Variants in ADAMTSL1 observed in about 807,000 individuals in gnomAD.
ADAMTSL1 encodes ADAMTS-like protein 1.
In ADAMTSL1, 126 loss-of-function variants were observed where a neutral mutation model predicts 201.8. The ratio of observed to expected loss-of-function variants is 0.62; its 90% CI spans 0.54 to 0.72. The LOEUF (loss-of-function observed/expected upper bound fraction) is 0.72, where lower values mean the gene tolerates loss of function less well. Ranked by LOEUF, ADAMTSL1 falls within the 30% of genes least tolerant of loss-of-function variation. The pLI is 0.00. For synonymous variants in ADAMTSL1, 1,121 were observed against 903.4 expected (o/e 1.24, Z -4.32); for missense variants, 2,679 against 2,277.8 (o/e 1.18, Z -3.59).
intron 1 of ADAMTSL1, among the ~76,000 whole-genome samples, chr9:18,140,703 G>T (rs1826362252): frequency 6.6e-6 from 1 of 152,200 alleles, no homozygotes; most frequent in Non-Finnish European, 1.5e-5. Context: ...GTGGGAGCAT[G>T]CCTGAAATCC....
intron 2 of ADAMTSL1, among the ~76,000 whole-genome samples, chr9:18,269,999 A>G (rs1291281923): frequency 6.6e-6 from 1 of 152,136 alleles, no homozygotes; most frequent in East Asian, 1.9e-4. Context: ...TGCCGTCTCT[A>G]CAAGACTCCT....
intron 1 of ADAMTSL1, among the ~76,000 whole-genome samples, chr9:17,985,149 C>T (rs1588524276): frequency 6.6e-6 from 1 of 152,074 alleles, no homozygotes; most frequent in Non-Finnish European, 1.5e-5. Context: ...TCAGCTTTTG[C>T]TTGAGACTTC....
intron 21 of ADAMTSL1, among the ~76,000 whole-genome samples, chr9:18,819,154 G>A (rs4977449): frequency 0.18 from 27,552 of 152,072 alleles, 2,723 homozygotes; most frequent in East Asian, 0.27. Context: ...GAACTGGTAG[G>A]AGTAAAAGAA....
intron 2 of ADAMTSL1, among the ~76,000 whole-genome samples, chr9:18,274,667 G>C (rs542422101): frequency 6.6e-6 from 1 of 152,174 alleles, no homozygotes; most frequent in East Asian, 1.9e-4. Flanking sequence ...ACAGAGTTTG[G>C]AAAAGGCATG....
At chr9:17,913,016 G>C (rs187764354) in intron 1 of ADAMTSL1, among the ~76,000 whole-genome samples, 1 of 152,126 alleles carries the variant, frequency 6.6e-6, no homozygotes, top group South Asian at 2.1e-4. Flanking sequence ...CGTTATTTCT[G>C]AGGGCTCTGT....
intron 13 of ADAMTSL1, among the ~76,000 whole-genome samples, chr9:18,697,326 T>C (rs1254966947): frequency 3.3e-5 from 5 of 152,144 alleles, no homozygotes; most frequent in Admixed American, 3.3e-4. Flanking sequence ...ATACATATAT[T>C]ATTATGGACA....
In ADAMTSL1 at chr9:18,817,298, C is replaced by G; in HGVS notation, c.3934+61C>G. On this transcript the variant is annotated intron_variant, in intron 21 of 28. Coordinates refer to ENST00000380548, the MANE Select transcript of ADAMTSL1 (RefSeq NM_001040272.6). ...GGAGCCCTGTGCTAGGTTGGGGATACAAAGACAAATTAGACACAAATTCTA... is the reference window on the plus strand; with the variant it reads ...GGAGCCCTGTGCTAGGTTGGGGATAGAAAGACAAATTAGACACAAATTCTA... The G allele has an allele frequency of 3.3e-6, 5 of 1,494,926 alleles. No homozygotes were observed. In the South Asian group the frequency reaches 6.4e-5, roughly 19 times the overall value. 92.6% of individuals were successfully genotyped at this position (1,494,926 alleles called of 1,614,324 possible).
intron 23 of ADAMTSL1, among the ~76,000 whole-genome samples, chr9:18,850,342 A>G (rs748527904): frequency 8.9e-4 from 136 of 152,242 alleles, no homozygotes; most frequent in Non-Finnish European, 1.3e-3. Flanking sequence ...TCTTTCCCCA[A>G]TAAATCCTTC....
intron 1 of ADAMTSL1, among the ~76,000 whole-genome samples, chr9:18,050,896 C>T (rs918046589): frequency 1.3e-5 from 2 of 152,152 alleles, no homozygotes. Context: ...GTGATACTAC[C>T]ATTGCATGTC....
At chr9:18,179,576 A>T (rs1479025508) in intron 2 of ADAMTSL1, among the ~76,000 whole-genome samples, 1 of 152,236 alleles carries the variant, frequency 6.6e-6, no homozygotes, top group Admixed American at 6.5e-5. Flanking sequence ...CATAATTGTC[A>T]GATTCACCAA....
chr9:18,781,920 C>T (rs756411534), intron 19 of ADAMTSL1, among the ~76,000 whole-genome samples: 2 of 152,174 alleles, frequency 1.3e-5, no homozygotes, highest in Non-Finnish European at 2.9e-5. Context: ...AGAAAAGAAT[C>T]ACTAATAATT....
At chr9:18,124,181 C>T (rs1825636431) in intron 1 of ADAMTSL1, among the ~76,000 whole-genome samples, 1 of 134,720 alleles carries the variant, frequency 7.4e-6, no homozygotes, top group Admixed American at 8.8e-5. Flanking sequence ...GTCCTGGGTT[C>T]AAGTGATTCT....
chr9:18,539,040 C>G (rs1353938821), intron 3 of ADAMTSL1, among the ~76,000 whole-genome samples: 1 of 151,536 alleles, frequency 6.6e-6, no homozygotes. Flanking sequence ...TTGGCTCTTT[C>G]CAGCCAAGAG....
At chr9:18,002,700 C>T (rs1184713115) in intron 1 of ADAMTSL1, among the ~76,000 whole-genome samples, 1 of 151,956 alleles carries the variant, frequency 6.6e-6, no homozygotes, top group African/African-American at 2.4e-5. Flanking sequence ...ATATAATACA[C>T]TCAGTGAGGA....
intron 7 of ADAMTSL1, among the ~76,000 whole-genome samples, chr9:18,642,597 C>T (rs751707419): frequency 2.5e-4 from 38 of 152,026 alleles, no homozygotes; most frequent in South Asian, 4.2e-4. Flanking sequence ...CCACCCCAAC[C>T]CCCTGGTAGC....
chr9:18,756,742 C>G (rs1189005291), intron 16 of ADAMTSL1, among the ~76,000 whole-genome samples: 1 of 152,178 alleles, frequency 6.6e-6, no homozygotes, highest in Admixed American at 6.5e-5. Context: ...TCACATGTTT[C>G]GTTTAAAGGA....
intron 1 of ADAMTSL1, among the ~76,000 whole-genome samples, chr9:18,159,718 C>T (rs1001854555): frequency 6.6e-6 from 1 of 151,942 alleles, no homozygotes; most frequent in African/African-American, 2.4e-5. Context: ...TAATTGTGAG[C>T]TGATGAGTCA....
intron 20 of ADAMTSL1, among the ~76,000 whole-genome samples, chr9:18,812,273 C>G (rs1420149177): frequency 2.0e-5 from 3 of 152,150 alleles, no homozygotes; most frequent in African/African-American, 7.2e-5. Flanking sequence ...AACAGATCTA[C>G]ACAACTGTGC....
At chr9:18,855,367 A>T (rs1463291294) in intron 23 of ADAMTSL1, among the ~76,000 whole-genome samples, 1 of 152,200 alleles carries the variant, frequency 6.6e-6, no homozygotes, top group Non-Finnish European at 1.5e-5. Flanking sequence ...CTGAAAATAG[A>T]AAAGGATTCT....
Sources: allele counts gnomAD v4.1 joint callset (sites outside exome capture counted in the v4.1 genomes callset), GRCh38; gene constraint gnomAD v4.1.1; transcripts MANE v1.5; gene names NCBI Gene and HGNC (gene_info 2026-07-23, HGNC 2026-07-21).